The following NUP214 variants were observed in gnomAD, a reference collection of about 807,000 sequenced individuals.
NUP214 encodes nuclear pore complex protein Nup214.
In NUP214, 79 loss-of-function variants were observed where a neutral mutation model predicts 196.2. The ratio of observed to expected loss-of-function variants is 0.40; its 90% CI spans 0.34 to 0.49. The LOEUF (loss-of-function observed/expected upper bound fraction) is 0.49. NUP214 is among the 20% of genes least tolerant of loss of function. The probability of loss-of-function intolerance (pLI) is 0.58; values close to 1 mark genes in which losing one functional copy is unlikely to be tolerated. For missense variants in NUP214, 2,468 were observed against 2,539.0 expected, an observed-to-expected ratio of 0.97 and a Z score of 0.60; for synonymous variants, 1,020 against 990.5, an observed-to-expected ratio of 1.03 and a Z score of -0.56.
At position 131,228,309 on chromosome 9, in the gene NUP214, G is replaced by T; in HGVS notation, c.6052G>T (p.Ala2018Ser). Residue 2018 changes from alanine to serine, a missense_variant, in exon 33 of 36, where the codon GCT (alanine) becomes TCT (serine). Coordinates refer to ENST00000359428, the MANE Select transcript of NUP214 (RefSeq NM_005085.4). ...GGKVFGEGTAAASAGGFGFGS... is the reference protein window; with the variant it reads ...GGKVFGEGTASASAGGFGFGS... The stretch of plus-strand genomic sequence containing the variant: ...CAAAGTGTTCGGAGAGGGCACTGCA[G>T]CTGCCAGCGCAGGAGGATTCGGGTA... 6.3e-7 allele frequency: 1 copy of T among 1,595,262 alleles called. No individual in the cohort carries two copies. Among genetic ancestry groups the T allele is most frequent in the Non-Finnish European group, 8.5e-7 (1 of 1,173,416 alleles).
At chr9:131,227,955 G>C (rs542185960) in intron 32 of NUP214, among the ~76,000 whole-genome samples, 1 of 39,688 alleles carries the variant, frequency 2.5e-5, no homozygotes, top group African/African-American at 1.0e-4. Flanking sequence ...TTGTTTTGTT[G>C]TTTTCATTAC....
chr9:131,169,428 T>C (rs1832891804), intron 21 of NUP214, among the ~76,000 whole-genome samples: 1 of 152,164 alleles, frequency 6.6e-6, no homozygotes, highest in Non-Finnish European at 1.5e-5. Flanking sequence ...GAGGATCACT[T>C]GAGCCCAAGA....
intron 30 of NUP214, among the ~76,000 whole-genome samples, chr9:131,203,318 C>T (rs1040139645): frequency 3.3e-5 from 5 of 152,094 alleles, no homozygotes; most frequent in African/African-American, 9.7e-5. Flanking sequence ...CGATTATTAT[C>T]GCCATTTAAG....
Position 131,144,661 on chromosome 9 carries a change from G to A in NUP214, c.1676G>A (p.Ser559Asn), listed in dbSNP as rs144674763. The change falls in exon 12 of 36, where the codon AGC (serine) becomes AAC (asparagine). Residue 559 changes from serine to asparagine, a missense_variant. By Grantham distance (46) the Ser-to-Asn change is conservative. Around this residue, in one of 5 missense-constraint regions of NUP214, gnomAD observed 1,801 missense variants for 1,779.4 expected, o/e 1.01. Transcript: ENST00000359428. ...TCTGGTTTTAAGCCTACCCTGGAAA[G>A]CACACCAGTGCCAAGTGTGTCTGCT... The part of the protein sequence containing the change: ...GSSGFKPTLE[S>N]TPVPSVSAPN... 2 of 1,614,140 alleles carry A rather than the reference G, an allele frequency of 1.2e-6. No individual in the cohort carries two copies. The highest frequency in any genetic ancestry group is 2.7e-5 in the African/African-American group (2 of 75,026).
intron 32 of NUP214, among the ~76,000 whole-genome samples, chr9:131,223,887 A>T (rs1016549074): frequency 6.7e-6 from 1 of 150,340 alleles, no homozygotes. Flanking sequence ...GGCGCCCGCC[A>T]CCACGCCCGG....
intron 15 of NUP214, 98 bp downstream of exon 15, chr9:131,150,508 G>C (rs187416037): frequency 1.3e-6 from 2 of 1,567,140 alleles, no homozygotes; most frequent in Admixed American, 3.4e-5. Context: ...TCATTCTAGC[G>C]CTGAAGCATG....
intron 21 of NUP214, among the ~76,000 whole-genome samples, chr9:131,173,738 ATAT>A (rs1021239882): frequency 2.6e-5 from 4 of 151,988 alleles, no homozygotes; most frequent in Admixed American, 6.6e-5. Context: ...CATTTCTAGT[ATAT>A]TATTATTATA....
intron 21 of NUP214, among the ~76,000 whole-genome samples, chr9:131,167,884 G>A (rs548765384): frequency 2.6e-5 from 4 of 152,174 alleles, no homozygotes; most frequent in Non-Finnish European, 4.4e-5. Context: ...ACAGAAGTTC[G>A]TTTTTGTTTT....
chr9:131,175,845 G>T, intron 23 of NUP214: 2 of 533,776 alleles, frequency 3.7e-6, no homozygotes, highest in South Asian at 1.0e-4. Context: ...GCCACATTTA[G>T]TTAAGGTGGA....
At chr9:131,164,507 T>G (rs1242466948) in intron 21 of NUP214, 2 of 171,386 alleles carry the variant, frequency 1.2e-5, no homozygotes, top group Non-Finnish European at 2.5e-5. Context: ...TTCTGATTTG[T>G]GTTGGGTTTT....
intron 14 of NUP214, among the ~76,000 whole-genome samples, chr9:131,149,638 C>A (rs1287953968): frequency 6.6e-6 from 1 of 152,046 alleles, no homozygotes. Flanking sequence ...GCTATCCCTG[C>A]TCTACATAGC....
chr9:131,150,206 C>T, intron 14 of NUP214, 118 bp from the exon 15 acceptor site: 1 of 804,268 alleles, frequency 1.2e-6, no homozygotes, highest in South Asian at 1.6e-5. Context: ...GGATTCGTTA[C>T]AATGAGTGAA....
Position 131,213,751 on chromosome 9 carries a change from C to CTGTTGTTGTTGTTGT in NUP214, c.5593-1438_5593-1424dup, listed in dbSNP as rs55661030. The stretch of plus-strand genomic sequence containing the variant: ...ATTAAATGGTTGTAGTGAATTGGTA[C>CTGTTGTTGTTGTTGT]TGTTGTTGTTGTTGTTGTTGTTGTT... On this transcript the variant is annotated intron_variant, in intron 30 of 35. Coordinates refer to ENST00000359428, the MANE Select transcript of NUP214 (RefSeq NM_005085.4). 8.1e-3 allele frequency among the ~76,000 whole-genome samples: 1,194 copies of CTGTTGTTGTTGTTGT among 147,630 alleles called. 10 individuals are homozygous for CTGTTGTTGTTGTTGT. Among genetic ancestry groups the CTGTTGTTGTTGTTGT allele is most frequent in the Non-Finnish European group, 9.1e-3 (614 of 67,266 alleles).
At chr9:131,173,966 ATT>A (rs878908783) in intron 21 of NUP214, 87 bp from the exon 22 acceptor site, 687 of 1,147,024 alleles carry the variant, frequency 6.0e-4, no homozygotes, top group Non-Finnish European at 6.6e-4. Context: ...CAAGTTGAGT[ATT>A]TTTTTTTTTT....
intron 11 of NUP214, among the ~76,000 whole-genome samples, chr9:131,141,339 G>GA (rs1300982460): frequency 1.3e-5 from 2 of 151,962 alleles, no homozygotes; most frequent in Non-Finnish European, 2.9e-5. Context: ...TTTATTGAAG[G>GA]AAAATGAGAG....
At chr9:131,211,366 A>T (rs1834236145) in intron 30 of NUP214, among the ~76,000 whole-genome samples, 1 of 152,150 alleles carries the variant, frequency 6.6e-6, no homozygotes, top group Admixed American at 6.6e-5. Context: ...ACACATTGAG[A>T]TTGCTTGCTA....
intron 31 of NUP214, among the ~76,000 whole-genome samples, chr9:131,217,605 C>T (rs1012634073): frequency 1.3e-5 from 2 of 152,170 alleles, no homozygotes; most frequent in Non-Finnish European, 2.9e-5. Flanking sequence ...CAGAAAGTCA[C>T]AGATATAGAA....
At position 131,163,936 on chromosome 9, in the gene NUP214, A is replaced by G. The variant is rs568422369; in HGVS notation, c.2790A>G (p.Lys930=). 4 of 1,614,154 alleles carry G rather than the reference A, an allele frequency of 2.5e-6. No individual in the cohort carries two copies. In the South Asian group the frequency reaches 3.3e-5, roughly 13 times the overall value. The change falls in exon 20 of 36, where the codon AAA becomes AAG. Residue 930 remains lysine, a synonymous_variant. Transcript: ENST00000359428. ...LLKTTIESHT[K]SLPKVPAKLS... is the part of the protein sequence containing the mutation. Reference sequence around the variant, plus strand: ...AAACCACCATAGAATCTCACACCAAATCCTTGCCCAAAGTACCAGGTAATT... The same window carrying G: ...AAACCACCATAGAATCTCACACCAAGTCCTTGCCCAAAGTACCAGGTAATT...
intron 23 of NUP214, among the ~76,000 whole-genome samples, chr9:131,176,815 A>G (rs1833133961): frequency 6.6e-6 from 1 of 152,178 alleles, no homozygotes; most frequent in Non-Finnish European, 1.5e-5. Context: ...TTCAGTTATC[A>G]CTAGTTATCA....
Sources: allele counts gnomAD v4.1 joint callset (sites outside exome capture counted in the v4.1 genomes callset), GRCh38; gene constraint gnomAD v4.1.1; regional missense constraint gnomAD v4.1.1; transcripts MANE v1.5; gene names NCBI Gene and HGNC (gene_info 2026-07-23, HGNC 2026-07-21).